CACNA2D3: variants seen among roughly 807,000 people sequenced by gnomAD.
CACNA2D3 encodes the protein voltage-dependent calcium channel subunit alpha-2/delta-3.
CACNA2D3 carries 60 observed loss-of-function variants against 160.6 expected under a neutral mutation model. The ratio of observed to expected loss-of-function variants is 0.37; its 90% CI spans 0.30 to 0.46. The LOEUF is 0.46. CACNA2D3 is among the 20% of genes least tolerant of loss of function. CACNA2D3 has a pLI of 1.00. For missense variants in CACNA2D3, 1,205 were observed against 1,365.0 expected, an observed-to-expected ratio of 0.88 and a Z score of 1.85; for synonymous variants, 558 against 492.9, an observed-to-expected ratio of 1.13 and a Z score of -1.75.
intron 3 of CACNA2D3, among the ~76,000 whole-genome samples, chr3:54,364,496 G>C (rs1698796093): frequency 6.6e-6 from 1 of 152,188 alleles, no homozygotes; most frequent in Non-Finnish European, 1.5e-5. Context: ...TTTATATTGA[G>C]CTGTGATAAT....
At chr3:54,833,420 G>A (rs552514268) in intron 14 of CACNA2D3, among the ~76,000 whole-genome samples, 128 of 152,176 alleles carry the variant, frequency 8.4e-4, no homozygotes, top group Non-Finnish European at 1.6e-3. Context: ...TTGACTCTAC[G>A]TCTGCATTTT....
intron 9 of CACNA2D3, among the ~76,000 whole-genome samples, chr3:54,593,445 G>C (rs1702898333): frequency 6.6e-6 from 1 of 151,756 alleles, no homozygotes; most frequent in African/African-American, 2.4e-5. Context: ...AAGAAGAGAG[G>C]GAAGAATAAA....
chr3:54,127,526 C>T (rs923690662), intron 2 of CACNA2D3, among the ~76,000 whole-genome samples: 8 of 152,106 alleles, frequency 5.3e-5, no homozygotes, highest in Admixed American at 3.3e-4. Context: ...CCTTGCTGCT[C>T]GTGGGAAGCC....
Position 54,209,733 on chromosome 3 carries a change from C to T in CACNA2D3, c.204+86139C>T, listed in dbSNP as rs149764821. ...TTGGATTATATTAATGGAACATAACCTTAATAGCCTCCTCCAGAGGATGTT... is the reference window on the plus strand; with the variant it reads ...TTGGATTATATTAATGGAACATAACTTTAATAGCCTCCTCCAGAGGATGTT... On this transcript the variant is annotated intron_variant, in intron 2 of 37. Coordinates refer to ENST00000474759, the MANE Select transcript of CACNA2D3 (RefSeq NM_018398.3). Among the ~76,000 whole-genome samples, 73 of 152,310 alleles carry T rather than the reference C, an allele frequency of 4.8e-4. No homozygotes were observed. The East Asian group carries it at 0.013, about 27-fold the overall frequency.
chr3:54,183,881 G>T (rs920643215), intron 2 of CACNA2D3, among the ~76,000 whole-genome samples: 1 of 72,610 alleles, frequency 1.4e-5, no homozygotes, highest in African/African-American at 5.8e-5. Context: ...GCGAAACTCC[G>T]TCTCAAAAAA....
At chr3:54,918,948 A>G in intron 27 of CACNA2D3, 2 of 1,400,052 alleles carry the variant, frequency 1.4e-6, no homozygotes, top group East Asian at 2.4e-5. Context: ...CAGAGTTCCA[A>G]AATCCTCTGC....
intron 28 of CACNA2D3, 97 bp downstream of exon 28, chr3:54,968,608 T>A (rs189284652): frequency 3.6e-6 from 3 of 831,870 alleles, no homozygotes; most frequent in East Asian, 5.4e-5. Flanking sequence ...AGATTTCCGA[T>A]GAATGTTTGT....
At chr3:54,281,194 A>G (rs62253196) in intron 2 of CACNA2D3, among the ~76,000 whole-genome samples, 2,624 of 152,296 alleles carry the variant, frequency 0.017, 39 homozygotes, top group Middle Eastern at 0.044. Context: ...ACTCATCTCC[A>G]TTAGGCATAA....
At chr3:54,914,886 A>G (rs1700628463) in intron 27 of CACNA2D3, among the ~76,000 whole-genome samples, 1 of 152,252 alleles carries the variant, frequency 6.6e-6, no homozygotes. Context: ...CTGACCTGCA[A>G]TAGAAAGTTA....
chr3:54,861,359 C>T (rs991191464), intron 17 of CACNA2D3, among the ~76,000 whole-genome samples: 2 of 152,014 alleles, frequency 1.3e-5, no homozygotes, highest in Non-Finnish European at 2.9e-5. Flanking sequence ...AAGGCAAGAA[C>T]GATGATGACA....
intron 4 of CACNA2D3, among the ~76,000 whole-genome samples, chr3:54,492,900 G>A (rs1701133773): frequency 6.6e-6 from 1 of 152,112 alleles, no homozygotes; most frequent in East Asian, 1.9e-4. Flanking sequence ...TGAGCCCAGA[G>A]AGAATGGAAT....
chr3:54,450,593 G>A (rs1427105636), intron 4 of CACNA2D3, among the ~76,000 whole-genome samples: 1 of 152,080 alleles, frequency 6.6e-6, no homozygotes, highest in Admixed American at 6.5e-5. Flanking sequence ...GTTCTGGTGA[G>A]TGCTGGTTGT....
At chr3:54,450,689 C>T (rs988305551) in intron 4 of CACNA2D3, among the ~76,000 whole-genome samples, 3 of 152,258 alleles carry the variant, frequency 2.0e-5, no homozygotes, top group South Asian at 4.1e-4. Context: ...CTCCCCTTCA[C>T]CTTCCACCAT....
chr3:54,329,124 G>C (rs983463587), intron 3 of CACNA2D3, among the ~76,000 whole-genome samples: 2 of 152,214 alleles, frequency 1.3e-5, no homozygotes, highest in African/African-American at 4.8e-5. Context: ...GTACTGTGTA[G>C]TTAAGTTGAC....
At chr3:54,166,026 C>A (rs968013565) in intron 2 of CACNA2D3, among the ~76,000 whole-genome samples, 3 of 152,086 alleles carry the variant, frequency 2.0e-5, no homozygotes, top group Non-Finnish European at 4.4e-5. Context: ...GAGAGGAGCC[C>A]AGACATGGGA....
At position 54,233,042 on chromosome 3, in the gene CACNA2D3, A is replaced by G. The variant is rs543546098; in HGVS notation, c.205-87400A>G. On this transcript the variant is annotated intron_variant, in intron 2 of 37. Coordinates refer to ENST00000474759, the MANE Select transcript of CACNA2D3 (RefSeq NM_018398.3). Reference sequence around the variant, plus strand: ...CTCTGACAGTACCAGAAAGACAAATATGGCGGGCTAAGGAGAGGAAGAGTG... The same window carrying G: ...CTCTGACAGTACCAGAAAGACAAATGTGGCGGGCTAAGGAGAGGAAGAGTG... Among the ~76,000 whole-genome samples the G allele has an allele frequency of 3.9e-5, 6 of 152,328 alleles. No individual in the cohort carries two copies. In the South Asian group the frequency reaches 1.0e-3, roughly 26 times the overall value.
rs140363517 is a variant in CACNA2D3 at position 54,742,350 on chromosome 3, G to A, written c.1168-10249G>A. On this transcript the variant is annotated intron_variant, in intron 11 of 37. Coordinates refer to ENST00000474759, the MANE Select transcript of CACNA2D3 (RefSeq NM_018398.3). ...TGAGAATCGCTTGAACCTGGGAGGC[G>A]GAGGTTGCAGTGAGCTGTGATCGAG... Among the ~76,000 whole-genome samples, 1,054 of 152,084 alleles carry A rather than the reference G, an allele frequency of 6.9e-3. 17 individuals are homozygous for A. Among genetic ancestry groups the A allele is most frequent in the African/African-American group, 0.024 (985 of 41,492 alleles).
intron 8 of CACNA2D3, among the ~76,000 whole-genome samples, chr3:54,576,260 A>C (rs532527222): frequency 6.6e-6 from 1 of 152,116 alleles, no homozygotes; most frequent in Non-Finnish European, 1.5e-5. Flanking sequence ...CCAGAGCCCA[A>C]AGTCAGTTGT....
intron 4 of CACNA2D3, among the ~76,000 whole-genome samples, chr3:54,499,563 TAA>T (rs938135371): frequency 6.6e-6 from 1 of 152,156 alleles, no homozygotes; most frequent in Non-Finnish European, 1.5e-5. Flanking sequence ...AATTTCCTTG[TAA>T]GCTTTGCTTT....
Sources: allele counts gnomAD v4.1 joint callset (sites outside exome capture counted in the v4.1 genomes callset), GRCh38; gene constraint gnomAD v4.1.1; transcripts MANE v1.5; gene names NCBI Gene and HGNC (gene_info 2026-07-23, HGNC 2026-07-21).